The following SV2A variants were observed in gnomAD, a reference collection of about 807,000 sequenced individuals.
The protein encoded by SV2A is solute carrier family 22 member B1.
SV2A carries 25 observed loss-of-function variants against 78.0 expected under a neutral mutation model. The ratio of observed to expected loss-of-function variants is 0.32; its 90% confidence interval spans 0.23 to 0.45. The LOEUF (loss-of-function observed/expected upper bound fraction) is 0.45, where lower values mean the gene tolerates loss of function less well. Ranked by LOEUF, SV2A falls within the 20% of genes least tolerant of loss-of-function variation. The pLI is 1.00. For synonymous variants in SV2A, 355 were observed against 384.7 expected (o/e 0.92, Z 0.90); for missense variants, 752 against 971.5 (o/e 0.77, Z 3.00).
chr1:149,908,880 G>T (rs1006135059), intron 8 of SV2A, among the ~76,000 whole-genome samples: 1 of 151,982 alleles, frequency 6.6e-6, no homozygotes, highest in Non-Finnish European at 1.5e-5. Context: ...TGATCCGCCC[G>T]CCTCGTCCTC....
At chr1:149,912,040 G>A in intron 2 of SV2A, 60 bp from the exon 3 acceptor site, 6 of 1,536,958 alleles carry the variant, frequency 3.9e-6, no homozygotes, top group Non-Finnish European at 5.3e-6. Flanking sequence ...AATTCTCCCA[G>A]GAGATGAGCA....
chr1:149,907,601 C>G, intron 10 of SV2A, 99 bp downstream of exon 10: 1 of 1,451,728 alleles, frequency 6.9e-7, no homozygotes, highest in Non-Finnish European at 9.2e-7. Context: ...GTCCAGGGAT[C>G]TCAGCTTGAG....
chr1:149,916,111 G>A (rs1244445356), intron 1 of SV2A, among the ~76,000 whole-genome samples: 2 of 152,146 alleles, frequency 1.3e-5, no homozygotes, highest in African/African-American at 2.4e-5. Context: ...TGGAACTGCG[G>A]AATCCCCTCA....
Position 149,909,227 on chromosome 1 carries a change from C to G in SV2A, c.1344G>C (p.Leu448=), listed in dbSNP as rs1553763292. 5 of 1,614,090 alleles carry G rather than the reference C, an allele frequency of 3.1e-6. No homozygotes were observed. Among genetic ancestry groups the G allele is most frequent in the Non-Finnish European group, 4.2e-6 (5 of 1,180,020 alleles). ...TGGTGAACCACACACCCATCATCAT[C>G]AGAGTGATGCGCCGATATTCGGGAC... ...CFGPEYRRIT[L]MMMGVWFTMS... The change falls in exon 8 of 13, where the codon CTG becomes CTC. Residue 448 remains leucine (L), a synonymous_variant. Coordinates refer to ENST00000369146, the MANE Select transcript of SV2A (RefSeq NM_014849.5).
chr1:149,914,050 T>TA lies in SV2A; in HGVS notation c.-211dup. ...AAGGAAGGAGAGGAGCTTTGACCTATACCCAGTTCAGTTGGGTGGATGGGG... is the reference window on the plus strand; with the variant it reads ...AAGGAAGGAGAGGAGCTTTGACCTATAACCCAGTTCAGTTGGGTGGATGGGG... On this transcript the variant is annotated 5_prime_UTR_variant, in exon 2 of 13. Transcript: ENST00000369146. 1.5e-6 allele frequency: 1 copy of TA among 646,332 alleles called. No individual in the cohort carries two copies. The highest frequency in any genetic ancestry group is 2.4e-6 in the Non-Finnish European group (1 of 409,586). The allele number at this position is 646,332 out of a possible 1,614,324, so 40.0% of individuals were successfully genotyped here.
chr1:149,909,841 G>A lies in SV2A; in HGVS notation c.1139C>T (p.Thr380Ile). 1 of 1,614,032 alleles carries A rather than the reference G, an allele frequency of 6.2e-7. No homozygotes were observed. ...AGGATGTCCTTTGGCTCGCATGTTGGTATCATGGACCTGCTTCAGCACCAT... is the reference window on the plus strand; with the variant it reads ...AGGATGTCCTTTGGCTCGCATGTTGATATCATGGACCTGCTTCAGCACCAT... The part of the protein sequence containing the change: ...AWMVLKQVHD[T>I]NMRAKGHPER... The change falls in exon 6 of 13, where the codon ACC (threonine) becomes ATC (isoleucine). Residue 380 changes from threonine to isoleucine, a missense_variant. By Grantham distance (89) the Thr-to-Ile change is moderately conservative. Coordinates refer to ENST00000369146, the MANE Select transcript of SV2A (RefSeq NM_014849.5).
intron 11 of SV2A, 114 bp from the exon 12 acceptor site, chr1:149,906,153 A>G (rs990664133): frequency 6.3e-5 from 82 of 1,307,210 alleles, no homozygotes; most frequent in African/African-American, 1.5e-5. Flanking sequence ...CTTGTTCCGA[A>G]GGTATCCAAC....
rs781997818 is a variant in SV2A, at chr1:149,910,709, A to G, written c.956-6T>C. 8 of 1,613,736 alleles carry G rather than the reference A, an allele frequency of 5.0e-6. No individual in the cohort carries two copies. The African/African-American group carries it at 9.3e-5, about 19-fold the overall frequency. On this transcript the variant is annotated splice_polypyrimidine_tract_variant and splice_region_variant and intron_variant, in intron 4 of 12. Transcript: ENST00000369146. This position sits in a 1 kb window ranked among gnomAD's most constrained non-coding sequence, Gnocchi z 4.2. ...ACCCATCTGAAAACTCCACCCTGGT[A>G]GGGAGAAAGTGACAGCATCAGCAGA...
At position 149,906,685 on chromosome 1, in the gene SV2A, AG is replaced by A; in HGVS notation, c.1849del (p.Leu617CysfsTer17). 1 of 1,614,194 alleles carries A rather than the reference AG, an allele frequency of 6.2e-7. No homozygotes were observed. Among genetic ancestry groups the A allele is most frequent in the Non-Finnish European group, 8.5e-7 (1 of 1,180,030 alleles). ...AVLPGNIVSA[L>X]LMDKIGRLRM... ...GAGCCTGCCGATCTTGTCCATGAGC[AG>A]GGCAGACACGATATTCCCAGGAAGC... On this transcript the variant is annotated frameshift_variant, in exon 11 of 13. Transcript: ENST00000369146. LOFTEE classifies it high-confidence loss of function.
Position 149,906,775 on chromosome 1 carries a change from A to T in SV2A, c.1760T>A (p.Val587Glu). 6.2e-7 allele frequency: 1 copy of T among 1,614,196 alleles called. No homozygotes were observed. Among genetic ancestry groups the T allele is most frequent in the Non-Finnish European group, 8.5e-7 (1 of 1,180,042 alleles). The change falls in exon 11 of 13, where the codon GTG becomes GAG. Residue 587 changes from valine to glutamate, a missense_variant. Around this residue, in one of 7 missense-constraint regions of SV2A, gnomAD observed 186 missense variants for 274.6 expected, o/e 0.68. Transcript: ENST00000369146. ...LHNKEGCPLD[V>E]TGTGEGAYMV... ...GTAGGCACCTTCGCCCGTCCCTGTC[A>T]CGTCTAGCGGGCAGCCCTCCTTGTT...
chr1:149,907,957 AT>A, intron 9 of SV2A, 84 bp downstream of exon 9: 1 of 1,572,346 alleles, frequency 6.4e-7, no homozygotes, highest in Non-Finnish European at 8.6e-7. Flanking sequence ...TGCCCCCCAA[AT>A]GTCTTGTCTT....
Position 149,913,638 on chromosome 1 carries a change from C to T in SV2A, c.203G>A (p.Gly68Glu). 6.2e-7 allele frequency: 1 copy of T among 1,612,814 alleles called. No homozygotes were observed. The part of the protein sequence containing the change: ...FPAPSDGYYR[G>E]EGTQDEEEGG... ...TTCCTCCTCATCCTGGGTCCCTTCT[C>T]CTCGGTAATAACCATCACTGGGAGC... The change falls in exon 2 of 13, where the codon GGA (glycine) becomes GAA (glutamate). Residue 68 changes from glycine (G) to glutamate (E), a missense_variant. Gly to Glu is a moderately conservative substitution (Grantham distance 98). Coordinates refer to ENST00000369146, the MANE Select transcript of SV2A (RefSeq NM_014849.5).
At position 149,909,237 on chromosome 1, in the gene SV2A, C is replaced by T. The variant is rs142942449; in HGVS notation, c.1334G>A (p.Arg445His). 2.7e-5 allele frequency: 44 copies of T among 1,614,056 alleles called. No individual in the cohort carries two copies. Among genetic ancestry groups the T allele is most frequent in the Admixed American group, 1.5e-4 (9 of 60,010 alleles). ...CACACCCATCATCATCAGAGTGATG[C>T]GCCGATATTCGGGACCAAAACAGGA... ...FLSCFGPEYR[R>H]ITLMMMGVWF... Residue 445 changes from arginine (R) to histidine (H), a missense_variant, in exon 8 of 13, where the codon CGC becomes CAC. Physicochemically the swap from Arg to His is conservative, Grantham distance 29 (BLOSUM62 0). Coordinates refer to ENST00000369146, the MANE Select transcript of SV2A (RefSeq NM_014849.5).
Position 149,904,785 on chromosome 1 carries a change from A to G in SV2A, c.*229T>C. The G allele has an allele frequency of 2.0e-6, 1 of 494,916 alleles. No individual in the cohort carries two copies. Among genetic ancestry groups the G allele is most frequent in the Non-Finnish European group, 3.6e-6 (1 of 278,646 alleles). 30.7% of individuals were successfully genotyped at this position (494,916 alleles called of 1,614,324 possible). The stretch of plus-strand genomic sequence containing the variant: ...CTTGTGCAAAGTCAAGGGCAGTGGG[A>G]AATGGGGAGTACAGCTTCATCTCAA... On this transcript the variant is annotated 3_prime_UTR_variant, in exon 13 of 13. Transcript: ENST00000369146.
At chr1:149,906,914 T>TAG in intron 10 of SV2A, 58 bp from the exon 11 acceptor site, 1 of 1,600,024 alleles carries the variant, frequency 6.2e-7, no homozygotes, top group Non-Finnish European at 8.5e-7. Flanking sequence ...GGGAGGCTGT[T>TAG]ACGGCTTATG....
chr1:149,908,115 G>A lies in SV2A; in HGVS notation c.1471C>T (p.Arg491Cys), dbSNP rs781892087. The stretch of plus-strand genomic sequence containing the variant: ...AAGTTAAAAGTTACATGCTCTACGC[G>A]CTCCCCGGGGAACACTTTGGTGCGG... ...ASRTKVFPGE[R>C]VEHVTFNFTL... Residue 491 changes from arginine to cysteine, a missense_variant, in exon 9 of 13, where the codon CGC becomes TGC. Around this residue, in one of 7 missense-constraint regions of SV2A, gnomAD observed 81 missense variants for 74.2 expected, o/e 1.09. Transcript: ENST00000369146. The A allele has an allele frequency of 4.3e-6, 7 of 1,614,140 alleles. No homozygotes were observed. The highest frequency in any genetic ancestry group is 1.3e-5 in the African/African-American group (1 of 75,010).
intron 3 of SV2A, 47 bp from the exon 4 acceptor site, chr1:149,911,024 T>C: frequency 6.3e-7 from 1 of 1,587,620 alleles, no homozygotes. Flanking sequence ...GCCATAGTCC[T>C]GATCCCCTGC....
In SV2A at chr1:149,909,330, C is replaced by T. The variant is rs73006315; in HGVS notation, c.1291-50G>A. On this transcript the variant is annotated intron_variant, in intron 7 of 12. Transcript: ENST00000369146. ...ACCTTGACTATACTAAGTTCTAGCACCCATAGATCCCCACTTTTCTGCCCT... is the reference window on the plus strand; with the variant it reads ...ACCTTGACTATACTAAGTTCTAGCATCCATAGATCCCCACTTTTCTGCCCT... 5,851 of 1,593,988 alleles carry T rather than the reference C, an allele frequency of 3.7e-3. 153 individuals are homozygous for T. The African/African-American group carries it at 0.055, about 15-fold the overall frequency.
At chr1:149,915,911 ACG>A (rs1418275044) in intron 1 of SV2A, among the ~76,000 whole-genome samples, 68 of 150,852 alleles carry the variant, frequency 4.5e-4, no homozygotes, top group Non-Finnish European at 7.4e-4. Context: ...ACACACACAC[ACG>A]CACACACACA....
Sources: gnomAD v4.1 joint callset for allele counts (sites outside exome capture counted in the v4.1 genomes callset) on GRCh38, gnomAD v4.1.1 for gene constraint, gnomAD v4.1.1 regional missense constraint, Gnocchi (gnomAD v3.1) non-coding constraint, MANE v1.5 for transcripts, NCBI Gene and HGNC (gene_info 2026-07-23, HGNC 2026-07-21) for gene names.